Variants in FAM186A observed in about 807,000 individuals in gnomAD.
The protein encoded by FAM186A is protein FAM186A.
In FAM186A, 163 loss-of-function variants were observed where a neutral mutation model predicts 216.8. The observed-to-expected ratio is 0.75, with a 90% confidence interval of 0.66 to 0.86. The LOEUF (loss-of-function observed/expected upper bound fraction) is 0.86, where lower values mean the gene tolerates loss of function less well. Among genes scored for constraint, FAM186A ranks in the 40% least tolerant of loss-of-function variants. The pLI is 0.00. For synonymous variants in FAM186A, 805 were observed against 1,025.3 expected (o/e 0.79, Z 4.10); for missense variants, 2,184 against 2,746.2 (o/e 0.80, Z 4.58).
At chr12:50,359,963 C>T (rs900742608) in intron 3 of FAM186A, among the ~76,000 whole-genome samples, 8 of 152,022 alleles carry the variant, frequency 5.3e-5, no homozygotes, top group Admixed American at 3.9e-4. Flanking sequence ...GATTGTTGGC[C>T]GGGTGCTGTG....
Position 50,331,816 on chromosome 12 carries a change from TTTGAGC to T in FAM186A, c.6697-1_6701del, listed in dbSNP as rs1194434053. On this transcript the variant is annotated splice_acceptor_variant and coding_sequence_variant, in exon 6 of 8. Transcript: ENST00000327337. LOFTEE classifies it high-confidence loss of function. ...GACTAAGATTCAATTCATGTATCTT[TTTGAGC>T]TATAAAAAAAAATAGATCAGAAAAA... 6.6e-7 allele frequency: 1 copy of T among 1,519,308 alleles called. No individual in the cohort carries two copies. The highest frequency in any genetic ancestry group is 2.5e-5 in the Admixed American group (1 of 39,790). The allele number at this position is 1,519,308 out of a possible 1,614,324, so 94.1% of individuals were successfully genotyped here.
chr12:50,367,689 GCACACACA>G (rs35526902), intron 1 of FAM186A, among the ~76,000 whole-genome samples: 4 of 151,404 alleles, frequency 2.6e-5, no homozygotes, highest in East Asian at 3.9e-4. Flanking sequence ...GCATGTGCGT[GCACACACA>G]CACACACACA....
Position 50,391,464 on chromosome 12 carries a change from T to C in FAM186A, c.192+4829A>G, listed in dbSNP as rs141681443. On this transcript the variant is annotated intron_variant, in intron 1 of 7. Transcript: ENST00000327337. ...CCAAGTAGCTGGGACCACAGGTACC[T>C]GCCACCATGCCCGGCTAATTTTTGT... Among the ~76,000 whole-genome samples the C allele has an allele frequency of 3.3e-3, 498 of 150,790 alleles. 5 individuals carry two copies. Among genetic ancestry groups the C allele is most frequent in the African/African-American group, 0.01 (415 of 40,930 alleles).
Position 50,353,969 on chromosome 12 carries a change from G to A in FAM186A, c.2863C>T (p.His955Tyr), listed in dbSNP as rs376882503. ...TCCCTTCTCCTGTGTGGCCCCAAAT[G>A]TTTCGCTTCCTTCTGAATCTGCCTC... ...QMRQIQKEAK[H>Y]LGPHRRREKG... Residue 955 changes from histidine (H) to tyrosine (Y), a missense_variant, in exon 4 of 8, where the codon CAT becomes TAT. This residue lies in a region of FAM186A where 1,132 missense variants were observed against 1,263.4 expected (regional missense o/e 0.90). Transcript: ENST00000327337. The A allele has an allele frequency of 5.5e-5, 86 of 1,552,774 alleles. No individual in the cohort carries two copies. In the African/African-American group the frequency reaches 1.1e-3, roughly 19 times the overall value.
chr12:50,383,855 C>T (rs1426336712), intron 1 of FAM186A, among the ~76,000 whole-genome samples: 1 of 151,430 alleles, frequency 6.6e-6, no homozygotes, highest in Non-Finnish European at 1.5e-5. Flanking sequence ...CGCAGTAGTT[C>T]ATGCCTGTAA....
intron 7 of FAM186A, among the ~76,000 whole-genome samples, 159 bp downstream of exon 7, chr12:50,330,414 A>G (rs978405689): frequency 6.6e-6 from 1 of 152,164 alleles, no homozygotes; most frequent in Non-Finnish European, 1.5e-5. Flanking sequence ...CTAATGCTGA[A>G]TTTACCTGTA....
chr12:50,359,344 G>A (rs537352619), intron 3 of FAM186A, among the ~76,000 whole-genome samples: 18 of 152,174 alleles, frequency 1.2e-4, no homozygotes, highest in African/African-American at 4.3e-4. Context: ...GTTGCAGTGA[G>A]CTGAGATCAC....
chr12:50,337,516 C>T (rs1221191284), intron 4 of FAM186A, among the ~76,000 whole-genome samples: 1 of 147,730 alleles, frequency 6.8e-6, no homozygotes, highest in African/African-American at 2.5e-5. Context: ...CCAGGCTGGT[C>T]TTTAACTCCT....
intron 1 of FAM186A, among the ~76,000 whole-genome samples, chr12:50,372,228 G>A (rs1324290836): frequency 6.6e-6 from 1 of 152,096 alleles, no homozygotes; most frequent in Non-Finnish European, 1.5e-5. Flanking sequence ...AAGAACACAG[G>A]AGACGGGAGA....
rs1293967959 is a variant in FAM186A at position 50,342,322 on chromosome 12, AAAAAC to A, written c.6503+8002_6503+8006del. Among the ~76,000 whole-genome samples, 3 of 151,720 alleles carry A rather than the reference AAAAAC, an allele frequency of 2.0e-5. No individual in the cohort carries two copies. In the East Asian group the frequency reaches 5.8e-4, roughly 29 times the overall value. On this transcript the variant is annotated intron_variant, in intron 4 of 7. Coordinates refer to ENST00000327337, the MANE Select transcript of FAM186A (RefSeq NM_001145475.3). ...CTCTTGTCTTAAAAAAAACAAAAAC[AAAAAC>A]AAAACAAAACAAAAAAACAAAGAAT...
intron 1 of FAM186A, chr12:50,365,951 C>G: frequency 1.3e-6 from 1 of 765,096 alleles, no homozygotes; most frequent in Admixed American, 1.7e-5. Flanking sequence ...TGGGCCCTCG[C>G]CCCAGCAAGG....
intron 5 of FAM186A, among the ~76,000 whole-genome samples, chr12:50,332,889 A>T (rs1942669601): frequency 6.6e-6 from 1 of 151,832 alleles, no homozygotes; most frequent in African/African-American, 2.4e-5. Context: ...TTAACCAGAC[A>T]TGGTGGCAGG....
chr12:50,379,576 C>T (rs1453837877), intron 1 of FAM186A, among the ~76,000 whole-genome samples: 1 of 151,412 alleles, frequency 6.6e-6, no homozygotes, highest in Non-Finnish European at 1.5e-5. Flanking sequence ...CACCTGAGGT[C>T]GGGAGTTAGA....
chr12:50,328,786 G>T (rs935740636), intron 7 of FAM186A, among the ~76,000 whole-genome samples: 3 of 152,142 alleles, frequency 2.0e-5, no homozygotes, highest in African/African-American at 7.2e-5. Context: ...TGGATTACAG[G>T]CATGAGCCAC....
At chr12:50,341,808 T>A (rs1177146917) in intron 4 of FAM186A, among the ~76,000 whole-genome samples, 1 of 151,018 alleles carries the variant, frequency 6.6e-6, no homozygotes, top group African/African-American at 2.4e-5. Context: ...GCACTCCAGC[T>A]TGGGCAACAG....
intron 3 of FAM186A, among the ~76,000 whole-genome samples, chr12:50,357,032 A>G (rs1385403597): frequency 6.6e-6 from 1 of 151,540 alleles, no homozygotes; most frequent in African/African-American, 2.4e-5. Context: ...ATACATACAT[A>G]CATACATACA....
At chr12:50,371,646 G>A (rs1158436816) in intron 1 of FAM186A, among the ~76,000 whole-genome samples, 1 of 152,038 alleles carries the variant, frequency 6.6e-6, no homozygotes, top group African/African-American at 2.4e-5. Flanking sequence ...AAGGAGAAAG[G>A]GAAATGGATA....
At chr12:50,380,474 G>C (rs1943243506) in intron 1 of FAM186A, among the ~76,000 whole-genome samples, 1 of 135,450 alleles carries the variant, frequency 7.4e-6, no homozygotes, top group East Asian at 2.2e-4. Context: ...TCAGGAGTTC[G>C]AGACCGGCCT....
intron 1 of FAM186A, among the ~76,000 whole-genome samples, chr12:50,368,706 G>A (rs7972202): frequency 0.64 from 96,732 of 151,598 alleles, 31,463 homozygotes; most frequent in East Asian, 0.74. Flanking sequence ...GATCCTGAAT[G>A]GCTGAAACAA....
Sources: allele counts gnomAD v4.1 joint callset (sites outside exome capture counted in the v4.1 genomes callset), GRCh38; gene constraint gnomAD v4.1.1; regional missense constraint gnomAD v4.1.1; transcripts MANE v1.5; gene names NCBI Gene and HGNC (gene_info 2026-07-23, HGNC 2026-07-21).